KLHL7: variants seen among roughly 807,000 people sequenced by gnomAD.
KLHL7 encodes kelch like family member 7.
KLHL7 carries 44 observed loss-of-function variants against 67.4 expected under a neutral mutation model. The observed-to-expected ratio is 0.65, with a 90% confidence interval of 0.51 to 0.84. The LOEUF is 0.84. KLHL7 is among the 40% of genes least tolerant of loss of function. The pLI, the probability that KLHL7 is intolerant of heterozygous loss-of-function variation, is 0.00. For missense variants in KLHL7, 362 were observed against 718.1 expected, an observed-to-expected ratio of 0.50 and a Z score of 5.67; for synonymous variants, 252 against 243.3, an observed-to-expected ratio of 1.04 and a Z score of -0.33.
At chr7:23,171,738 C>T (rs891632262) in intron 9 of KLHL7, among the ~76,000 whole-genome samples, 7 of 152,220 alleles carry the variant, frequency 4.6e-5, no homozygotes, top group Admixed American at 6.5e-5. Flanking sequence ...GAGACGGCGT[C>T]TGCCTCTGTC....
chr7:23,114,920 G>A (rs1326937060), intron 1 of KLHL7, among the ~76,000 whole-genome samples: 1 of 152,172 alleles, frequency 6.6e-6, no homozygotes, highest in African/African-American at 2.4e-5. Context: ...AAATCTGACT[G>A]TTATGAGCCC....
chr7:23,171,867 G>T (rs1206499634), intron 9 of KLHL7, among the ~76,000 whole-genome samples: 3 of 152,108 alleles, frequency 2.0e-5, no homozygotes, highest in African/African-American at 7.2e-5. Context: ...CTGCCGCCAC[G>T]CCTGGCTAAT....
intron 7 of KLHL7, among the ~76,000 whole-genome samples, chr7:23,154,264 A>G (rs1175451245): frequency 6.6e-6 from 1 of 152,208 alleles, no homozygotes; most frequent in Non-Finnish European, 1.5e-5. Context: ...CTGAGGCAGG[A>G]GAATCACTTG....
chr7:23,112,461 A>G lies in KLHL7; in HGVS notation c.120+6315A>G, dbSNP rs545298574. Among the ~76,000 whole-genome samples the G allele has an allele frequency of 3.9e-5, 6 of 152,348 alleles. No homozygotes were observed. The South Asian group carries it at 1.2e-3, about 32-fold the overall frequency. ...TCTTCATTGAAGCTGTGAAGAGTCA[A>G]GAGTCCAGAGTCCAGAATAAAGGAT... On this transcript the variant is annotated intron_variant, in intron 1 of 10. Transcript: ENST00000339077.
Position 23,174,800 on chromosome 7 carries a change from T to G in KLHL7, c.*502T>G, listed in dbSNP as rs932591136. ...TCTATTTATTTTATTTAGTGCCAAATGTATTCCATTTTAAAAGTAAGCCAG... is the reference window on the plus strand; with the variant it reads ...TCTATTTATTTTATTTAGTGCCAAAGGTATTCCATTTTAAAAGTAAGCCAG... On this transcript the variant is annotated 3_prime_UTR_variant, in exon 11 of 11. Coordinates refer to ENST00000339077, the MANE Select transcript of KLHL7 (RefSeq NM_001031710.3). The G allele has an allele frequency of 8.8e-6, 4 of 454,612 alleles. No homozygotes were observed. Among genetic ancestry groups the G allele is most frequent in the Admixed American group, 7.0e-5 (3 of 42,586 alleles). 28.2% of individuals were successfully genotyped at this position (454,612 alleles called of 1,614,324 possible). A position where few individuals can be genotyped will look rare whatever the true frequency, so the allele number is the denominator to read the frequency against.
intron 5 of KLHL7, 71 bp downstream of exon 5, chr7:23,141,015 G>A: frequency 8.1e-7 from 1 of 1,229,408 alleles, no homozygotes; most frequent in South Asian, 1.2e-5. Context: ...CTCATGTTTG[G>A]ACACATGACA....
chr7:23,118,286 G>A (rs186422081), intron 1 of KLHL7, among the ~76,000 whole-genome samples: 2 of 152,262 alleles, frequency 1.3e-5, no homozygotes, highest in African/African-American at 4.8e-5. Flanking sequence ...TCTTTATGAC[G>A]CGTTGAGTAT....
At chr7:23,127,851 G>A (rs890184482) in intron 4 of KLHL7, among the ~76,000 whole-genome samples, 2 of 148,206 alleles carry the variant, frequency 1.3e-5, no homozygotes, top group Admixed American at 1.4e-4. Context: ...CCAGCTGCAT[G>A]AGACAGTGAG....
At chr7:23,146,073 C>T (rs1045487151) in intron 6 of KLHL7, among the ~76,000 whole-genome samples, 5 of 152,166 alleles carry the variant, frequency 3.3e-5, no homozygotes, top group African/African-American at 1.2e-4. Context: ...CTGTGCTGTT[C>T]TCTGAGTCTG....
At chr7:23,146,886 CAT>C (rs1211433002) in intron 6 of KLHL7, among the ~76,000 whole-genome samples, 1 of 152,030 alleles carries the variant, frequency 6.6e-6, no homozygotes, top group Non-Finnish European at 1.5e-5. Context: ...TGTAGGTACA[CAT>C]ACACACAGTC....
intron 1 of KLHL7, among the ~76,000 whole-genome samples, chr7:23,112,491 A>G (rs1374063240): frequency 6.6e-6 from 1 of 152,198 alleles, no homozygotes; most frequent in African/African-American, 2.4e-5. Context: ...AAGGATAGAA[A>G]ATGGGCCTAT....
At chr7:23,144,544 T>G (rs1784294789) in intron 6 of KLHL7, among the ~76,000 whole-genome samples, 1 of 152,220 alleles carries the variant, frequency 6.6e-6, no homozygotes. Context: ...TTGTAGAACC[T>G]TTCTTCTGCC....
At chr7:23,151,787 C>A (rs1190940820) in intron 6 of KLHL7, among the ~76,000 whole-genome samples, 1 of 152,110 alleles carries the variant, frequency 6.6e-6, no homozygotes, top group Non-Finnish European at 1.5e-5. Flanking sequence ...ATTTTGGCAG[C>A]TGTTGCTTGA....
chr7:23,169,714 A>G (rs1192194738), intron 9 of KLHL7, among the ~76,000 whole-genome samples: 2 of 152,126 alleles, frequency 1.3e-5, no homozygotes, highest in African/African-American at 4.8e-5. Flanking sequence ...CAGCTTCTGT[A>G]TTTTTTAAAA....
chr7:23,137,191 G>T (rs371800745), intron 4 of KLHL7, among the ~76,000 whole-genome samples: 1 of 152,098 alleles, frequency 6.6e-6, no homozygotes, highest in South Asian at 2.1e-4. Context: ...AGACTGGGGC[G>T]GGGGAATCAC....
intron 8 of KLHL7, among the ~76,000 whole-genome samples, chr7:23,167,453 T>C (rs1785032865): frequency 6.6e-6 from 1 of 152,178 alleles, no homozygotes; most frequent in Admixed American, 6.5e-5. Context: ...GTCTACCATC[T>C]GTAAGGAACT....
intron 7 of KLHL7, among the ~76,000 whole-genome samples, chr7:23,162,760 G>T (rs1428964510): frequency 6.6e-6 from 1 of 152,106 alleles, no homozygotes; most frequent in African/African-American, 2.4e-5. Flanking sequence ...CTTTTTTAAA[G>T]CGCTTAGAAA....
chr7:23,156,415 T>C (rs1215420510), intron 7 of KLHL7, among the ~76,000 whole-genome samples: 2 of 152,230 alleles, frequency 1.3e-5, no homozygotes, highest in African/African-American at 2.4e-5. Flanking sequence ...AAAAGAGTTA[T>C]GTATTCAGTG....
chr7:23,169,482 C>T (rs1785094286), intron 9 of KLHL7, among the ~76,000 whole-genome samples: 2 of 152,042 alleles, frequency 1.3e-5, no homozygotes, highest in African/African-American at 2.4e-5. Flanking sequence ...CCTTACTTCC[C>T]ATAAACCCTA....
Sources: gnomAD v4.1 joint callset for allele counts (sites outside exome capture counted in the v4.1 genomes callset) on GRCh38, gnomAD v4.1.1 for gene constraint, MANE v1.5 for transcripts, NCBI Gene and HGNC (gene_info 2026-07-23, HGNC 2026-07-21) for gene names.